The following STK32B variants were observed in gnomAD, a reference collection of about 807,000 sequenced individuals.
STK32B encodes serine/threonine-protein kinase 32B.
Under a neutral mutation model 52.6 loss-of-function variants are expected in STK32B, and 43 were observed. That is an observed-to-expected ratio of 0.82 (90% confidence interval 0.64 to 1.05). STK32B has a LOEUF of 1.05. Among genes scored for constraint, STK32B ranks in the 50% least tolerant of loss-of-function variants. STK32B has a pLI of 0.00. For missense variants in STK32B, 621 were observed against 534.6 expected (o/e 1.16, Z -1.59); for synonymous variants, 238 against 204.3 (o/e 1.17, Z -1.41).
Position 5,499,947 on chromosome 4 carries a change from C to G in STK32B, c.*864C>G, listed in dbSNP as rs1414000614. On this transcript the variant is annotated 3_prime_UTR_variant, in exon 12 of 12. Transcript: ENST00000282908. ...TCTATCAGCTTTCAGGGTTTTCTCTCCTGGGAAGGGTGTAAAATCAGCTTG... is the reference window on the plus strand; with the variant it reads ...TCTATCAGCTTTCAGGGTTTTCTCTGCTGGGAAGGGTGTAAAATCAGCTTG... 1 of 152,244 alleles carries G rather than the reference C, an allele frequency of 6.6e-6. No homozygotes were observed. The highest frequency in any genetic ancestry group is 6.5e-5 in the Admixed American group (1 of 15,272). The allele number at this position is 152,244 out of a possible 1,614,324, so 9.4% of individuals were successfully genotyped here.
intron 1 of STK32B, among the ~76,000 whole-genome samples, chr4:5,110,924 TAAAC>T (rs1357829631): frequency 1.3e-5 from 2 of 149,600 alleles, no homozygotes; most frequent in Non-Finnish European, 3.0e-5. Flanking sequence ...AGGAATAAAA[TAAAC>T]AACACCATTA....
intron 3 of STK32B, among the ~76,000 whole-genome samples, chr4:5,283,111 C>G (rs892918799): frequency 6.6e-6 from 1 of 152,132 alleles, no homozygotes; most frequent in Non-Finnish European, 1.5e-5. Flanking sequence ...CTGATAACCA[C>G]TCTGTACTTC....
chr4:5,327,241 C>A (rs1320267816), intron 3 of STK32B, among the ~76,000 whole-genome samples: 1 of 151,298 alleles, frequency 6.6e-6, no homozygotes, highest in African/African-American at 2.4e-5. Context: ...GGTTAGAATC[C>A]ACTTCTTCCA....
At chr4:5,288,198 A>G (rs1728671199) in intron 3 of STK32B, among the ~76,000 whole-genome samples, 1 of 152,052 alleles carries the variant, frequency 6.6e-6, no homozygotes. Flanking sequence ...TGCTACTGGG[A>G]ATATTTGGTC....
At chr4:5,387,683 A>T (rs1429381368) in intron 4 of STK32B, among the ~76,000 whole-genome samples, 1 of 152,206 alleles carries the variant, frequency 6.6e-6, no homozygotes, top group Non-Finnish European at 1.5e-5. Context: ...GAGGATGGAA[A>T]TGGAAGAGCA....
chr4:5,384,596 C>T (rs1013022139), intron 4 of STK32B, among the ~76,000 whole-genome samples: 10 of 152,084 alleles, frequency 6.6e-5, no homozygotes, highest in African/African-American at 2.2e-4. Context: ...GGGCGCAGTG[C>T]GGAGTCATCA....
intron 1 of STK32B, among the ~76,000 whole-genome samples, chr4:5,080,510 C>T (rs1051397277): frequency 6.6e-6 from 1 of 152,062 alleles, no homozygotes; most frequent in African/African-American, 2.4e-5. Flanking sequence ...CCTCTCTGGT[C>T]TTCATTTCTC....
At chr4:5,421,235 A>C (rs2887544) in intron 6 of STK32B, among the ~76,000 whole-genome samples, 2 of 151,926 alleles carry the variant, frequency 1.3e-5, no homozygotes, top group African/African-American at 2.4e-5. Flanking sequence ...GACTACAGGC[A>C]CCCGCCACCA....
chr4:5,120,287 C>A (rs58281156), intron 1 of STK32B, among the ~76,000 whole-genome samples: 1 of 152,182 alleles, frequency 6.6e-6, no homozygotes, highest in African/African-American at 2.4e-5. Context: ...AGTAGCCTAG[C>A]GCTCTGTCAC....
At chr4:5,417,479 T>C (rs1211466299) in intron 6 of STK32B, among the ~76,000 whole-genome samples, 2 of 152,188 alleles carry the variant, frequency 1.3e-5, no homozygotes, top group Non-Finnish European at 2.9e-5. Context: ...TATTACCTCT[T>C]CCTTCATTTC....
intron 7 of STK32B, chr4:5,447,464 C>G (rs1477179176): frequency 1.3e-5 from 2 of 151,926 alleles, no homozygotes; most frequent in African/African-American, 4.8e-5. Context: ...TACATCTCTA[C>G]AAATAATAAT....
chr4:5,122,378 T>TATC (rs1715092308), intron 1 of STK32B, among the ~76,000 whole-genome samples: 2 of 108,268 alleles, frequency 1.8e-5, no homozygotes, highest in East Asian at 4.9e-4. Context: ...ATTCACTCAT[T>TATC]CATTCACTCA....
At chr4:5,449,716 C>T (rs1298262744) in intron 7 of STK32B, among the ~76,000 whole-genome samples, 1 of 152,170 alleles carries the variant, frequency 6.6e-6, no homozygotes, top group Non-Finnish European at 1.5e-5. Context: ...CTGAGCTCCA[C>T]CTCCTGTCAG....
chr4:5,215,797 A>C (rs1205069368), intron 3 of STK32B, among the ~76,000 whole-genome samples: 1 of 152,180 alleles, frequency 6.6e-6, no homozygotes, highest in Non-Finnish European at 1.5e-5. Flanking sequence ...ACTTAGACAC[A>C]GCTCACCTTG....
At chr4:5,447,114 C>A (rs1577517170) in intron 7 of STK32B, 1 of 190,234 alleles carries the variant, frequency 5.3e-6, no homozygotes, top group East Asian at 1.3e-4. Context: ...GTCTTCATGT[C>A]TGATTTTCTA....
intron 3 of STK32B, among the ~76,000 whole-genome samples, chr4:5,188,684 A>G (rs927628103): frequency 6.6e-6 from 1 of 151,846 alleles, no homozygotes; most frequent in Non-Finnish European, 1.5e-5. Context: ...CACAATATAC[A>G]TTTTAATTAT....
chr4:5,166,760 C>T (rs989305200), intron 2 of STK32B, among the ~76,000 whole-genome samples: 1 of 151,954 alleles, frequency 6.6e-6, no homozygotes, highest in Non-Finnish European at 1.5e-5. Flanking sequence ...TTGTTTAAAT[C>T]CCCCAGTTTG....
intron 11 of STK32B, among the ~76,000 whole-genome samples, chr4:5,497,299 T>C (rs965112966): frequency 3.3e-5 from 5 of 152,238 alleles, no homozygotes; most frequent in African/African-American, 1.2e-4. Flanking sequence ...ACACAAGTGC[T>C]GAATGCAAAA....
chr4:5,090,370 C>CTTTTTTTTTTTTT (rs754643704), intron 1 of STK32B, among the ~76,000 whole-genome samples: 2 of 56,544 alleles, frequency 3.5e-5, no homozygotes, highest in African/African-American at 1.1e-4. Context: ...TTTAATCCAT[C>CTTTTTTTTTTTTT]TTTTTTTTTT....
Sources: gnomAD v4.1 joint callset for allele counts (sites outside exome capture counted in the v4.1 genomes callset) on GRCh38, gnomAD v4.1.1 for gene constraint, MANE v1.5 for transcripts, NCBI Gene and HGNC (gene_info 2026-07-23, HGNC 2026-07-21) for gene names.